The following LRBA variants were observed in gnomAD, a reference collection of about 807,000 sequenced individuals.
LRBA encodes the protein lipopolysaccharide-responsive and beige-like anchor protein.
A neutral mutation model predicts 330.0 loss-of-function variants in LRBA; 176 were observed. That is an observed-to-expected ratio of 0.53 (90% CI 0.47 to 0.60). The LOEUF is 0.60. Ranked by LOEUF, LRBA falls within the 20% of genes least tolerant of loss-of-function variation. LRBA has a pLI of 0.00. For synonymous variants in LRBA, 1,230 were observed against 1,193.0 expected (o/e 1.03, Z -0.64); for missense variants, 3,259 against 3,444.8 (o/e 0.95, Z 1.35).
chr4:150,293,342 C>T (rs1266475716), intron 53 of LRBA, among the ~76,000 whole-genome samples: 2 of 152,166 alleles, frequency 1.3e-5, no homozygotes, highest in Non-Finnish European at 2.9e-5. Context: ...CATTAACTTC[C>T]TAGTTTTACA....
At chr4:150,967,852 T>C (rs1167194575) in intron 2 of LRBA, among the ~76,000 whole-genome samples, 1 of 152,178 alleles carries the variant, frequency 6.6e-6, no homozygotes, top group Non-Finnish European at 1.5e-5. Context: ...AAATGTGGTA[T>C]GTGTTCTATA....
intron 37 of LRBA, among the ~76,000 whole-genome samples, chr4:150,668,376 G>C (rs1465965605): frequency 6.6e-6 from 1 of 152,150 alleles, no homozygotes; most frequent in Non-Finnish European, 1.5e-5. Flanking sequence ...GTCAGTCTGA[G>C]AATGATGTGG....
At chr4:150,444,946 A>T (rs1752398401) in intron 44 of LRBA, among the ~76,000 whole-genome samples, 5 of 152,302 alleles carry the variant, frequency 3.3e-5, no homozygotes, top group Admixed American at 3.3e-4. Context: ...AGAAAATCAC[A>T]TAAACTGTTA....
chr4:150,706,588 C>A, intron 36 of LRBA, among the ~76,000 whole-genome samples: 1 of 150,142 alleles, frequency 6.7e-6, no homozygotes. Context: ...AGAAAATATC[C>A]ACACATTTAA....
chr4:150,921,320 A>T, intron 4 of LRBA, 27 bp from the exon 5 acceptor site: 1 of 1,329,686 alleles, frequency 7.5e-7, no homozygotes, highest in African/African-American at 1.4e-5. Context: ...CAATTCATTA[A>T]CCACATTATT....
chr4:150,789,548 T>C (rs796272709), intron 34 of LRBA, among the ~76,000 whole-genome samples: 1 of 152,260 alleles, frequency 6.6e-6, no homozygotes, highest in South Asian at 2.1e-4. Context: ...ACCATAAACA[T>C]ACAGCAAGAT....
chr4:150,747,843 C>T (rs1732964531), intron 35 of LRBA, among the ~76,000 whole-genome samples: 1 of 152,260 alleles, frequency 6.6e-6, no homozygotes, highest in Non-Finnish European at 1.5e-5. Flanking sequence ...GACTTTTAAT[C>T]TCACCTACAT....
At chr4:150,982,298 C>A (rs1016961825) in intron 2 of LRBA, among the ~76,000 whole-genome samples, 3 of 152,108 alleles carry the variant, frequency 2.0e-5, no homozygotes, top group Non-Finnish European at 2.9e-5. Context: ...TACTTACGTA[C>A]ATTGTGAGGA....
At chr4:150,473,479 C>T (rs756566284) in intron 42 of LRBA, among the ~76,000 whole-genome samples, 3 of 152,130 alleles carry the variant, frequency 2.0e-5, no homozygotes, top group Admixed American at 1.3e-4. Flanking sequence ...CTTAGTAATG[C>T]GGACTGCTCT....
intron 47 of LRBA, among the ~76,000 whole-genome samples, chr4:150,380,185 AAC>A (rs921588332): frequency 2.0e-5 from 3 of 151,338 alleles, no homozygotes; most frequent in Non-Finnish European, 2.9e-5. Flanking sequence ...GTCTCAAAAA[AAC>A]AAAACAAAAC....
intron 48 of LRBA, among the ~76,000 whole-genome samples, chr4:150,327,342 G>T (rs1341056937): frequency 2.0e-5 from 3 of 152,136 alleles, no homozygotes; most frequent in African/African-American, 7.2e-5. Flanking sequence ...ACAGCTTGAG[G>T]CCAGGAGTTC....
intron 1 of LRBA, among the ~76,000 whole-genome samples, 157 bp downstream of exon 1, chr4:151,015,045 C>T (rs1428717069): frequency 6.6e-6 from 1 of 152,146 alleles, no homozygotes; most frequent in Non-Finnish European, 1.5e-5. Flanking sequence ...GGCCCCCGAA[C>T]AGGCTCACTC....
At chr4:150,539,907 T>A (rs193060979) in intron 40 of LRBA, among the ~76,000 whole-genome samples, 36 of 152,320 alleles carry the variant, frequency 2.4e-4, no homozygotes, top group African/African-American at 8.4e-4. Context: ...TCGTTAAACA[T>A]CAGTAAAGGA....
At chr4:150,952,230 T>A (rs142608640) in intron 2 of LRBA, among the ~76,000 whole-genome samples, 29 of 152,010 alleles carry the variant, frequency 1.9e-4, no homozygotes, top group African/African-American at 6.8e-4. Flanking sequence ...AAAAAGCAGA[T>A]ATGTACAAAA....
intron 37 of LRBA, among the ~76,000 whole-genome samples, chr4:150,605,327 AC>A (rs1774518391): frequency 6.6e-6 from 1 of 152,152 alleles, no homozygotes; most frequent in South Asian, 2.1e-4. Context: ...TAAAAAGAAA[AC>A]CTGTCAAAAC....
intron 38 of LRBA, among the ~76,000 whole-genome samples, chr4:150,591,454 C>T (rs994331373): frequency 6.6e-6 from 1 of 152,226 alleles, no homozygotes; most frequent in African/African-American, 2.4e-5. Flanking sequence ...CTCCTTCCTT[C>T]CTTCACATTA....
chr4:150,725,455 AC>A (rs1333546762), intron 36 of LRBA, among the ~76,000 whole-genome samples: 1 of 152,192 alleles, frequency 6.6e-6, no homozygotes. Flanking sequence ...TGAAAGAAAA[AC>A]ACTTTTACTC....
intron 46 of LRBA, among the ~76,000 whole-genome samples, chr4:150,418,898 A>G (rs1748165417): frequency 7.0e-6 from 1 of 142,214 alleles, no homozygotes; most frequent in South Asian, 2.1e-4. Flanking sequence ...AAGAGAGAGA[A>G]GCCAAACAGG....
intron 9 of LRBA, among the ~76,000 whole-genome samples, chr4:150,911,226 T>C (rs559051360): frequency 6.2e-4 from 94 of 152,334 alleles, no homozygotes; most frequent in Admixed American, 2.6e-4. Context: ...CTATGTTGAA[T>C]AGAAATGGAA....
Sources: allele counts gnomAD v4.1 joint callset (sites outside exome capture counted in the v4.1 genomes callset), GRCh38; gene constraint gnomAD v4.1.1; transcripts MANE v1.5; gene names NCBI Gene and HGNC (gene_info 2026-07-23, HGNC 2026-07-21).